PFKFB1: variants seen among roughly 807,000 people sequenced by gnomAD.
PFKFB1 encodes 6-phosphofructo-2-kinase/fructose-2,6-bisphosphatase 1.
Under a neutral mutation model 46.4 loss-of-function variants are expected in PFKFB1, and 34 were observed. That is an observed-to-expected ratio of 0.73 (90% confidence interval 0.56 to 0.98). The LOEUF is 0.98. Ranked by LOEUF, PFKFB1 falls within the 50% of genes least tolerant of loss-of-function variation. The pLI, the probability that PFKFB1 is intolerant of heterozygous loss-of-function variation, is 0.00. For missense variants in PFKFB1, 393 were observed against 376.3 expected, an observed-to-expected ratio of 1.04 and a Z score of -0.37; for synonymous variants, 119 against 133.8, an observed-to-expected ratio of 0.89 and a Z score of 0.76.
At position 54,945,469 on chromosome X, in the gene PFKFB1, A is replaced by G; in HGVS notation, c.1068T>C (p.Asp356=). The change falls in exon 10 of 14, where the codon GAT becomes GAC. Residue 356 remains aspartate, a synonymous_variant. Transcript: ENST00000375006. ...CCTTGGGATAGCGGTAGCGATATTTATCTTGGTCTCGCAGTGCAAATTCTT... is the reference window on the plus strand; with the variant it reads ...CCTTGGGATAGCGGTAGCGATATTTGTCTTGGTCTCGCAGTGCAAATTCTT... ...YPEEFALRDQ[D]KYRYRYPKGE... 2 of 1,202,183 alleles carry G rather than the reference A, an allele frequency of 1.7e-6. No homozygotes were observed. Among genetic ancestry groups the G allele is most frequent in the Non-Finnish European group, 2.3e-6 (2 of 887,791 alleles).
chrX:54,933,385 T>C lies in PFKFB1; in HGVS notation c.*18A>G, dbSNP rs368541166. ...GAAGGCGATGAGGACACAGGCAGTT[T>C]GACTTCTTGGAAAGGGCTCAGTAGT... On this transcript the variant is annotated 3_prime_UTR_variant, in exon 14 of 14. Coordinates refer to ENST00000375006, the MANE Select transcript of PFKFB1 (RefSeq NM_002625.4). 13 of 1,184,290 alleles carry C rather than the reference T, an allele frequency of 1.1e-5. 1 individual carries two copies. The African/African-American group carries it at 2.3e-4, about 21-fold the overall frequency.
intron 7 of PFKFB1, among the ~76,000 whole-genome samples, chrX:54,954,253 C>T (rs1293551324): frequency 2.7e-5 from 3 of 112,116 alleles, no homozygotes; most frequent in Admixed American, 1.9e-4. Flanking sequence ...GTGGCTCATG[C>T]CTGTAATCCC....
At chrX:54,944,040 T>C (rs1334259626) in intron 10 of PFKFB1, among the ~76,000 whole-genome samples, 1 of 111,397 alleles carries the variant, frequency 9.0e-6, no homozygotes, top group South Asian at 3.7e-4. Flanking sequence ...TTCTGTTGTT[T>C]AGGTAGAGGG....
At chrX:54,994,933 T>G, upstream of PFKFB1, 2 of 606,512 alleles carry the variant, frequency 3.3e-6, no homozygotes, top group South Asian at 8.6e-5. Context: ...CACCATCAGA[T>G]GCCCTAAGGA....
At chrX:54,984,251 T>C (rs1190195171) in intron 1 of PFKFB1, among the ~76,000 whole-genome samples, 1 of 111,756 alleles carries the variant, frequency 8.9e-6, no homozygotes, top group Non-Finnish European at 1.9e-5. Flanking sequence ...AAATAATTTT[T>C]AAAAAATCCC....
intron 10 of PFKFB1, among the ~76,000 whole-genome samples, chrX:54,942,249 G>C (rs1933665419): frequency 9.0e-6 from 1 of 110,603 alleles, no homozygotes; most frequent in Non-Finnish European, 1.9e-5. Flanking sequence ...GTTGTGGGGT[G>C]GAGGAATGGG....
At chrX:54,972,266 C>G (rs1205326556) in intron 1 of PFKFB1, among the ~76,000 whole-genome samples, 2 of 110,308 alleles carry the variant, frequency 1.8e-5, no homozygotes. Context: ...TCTAGATATA[C>G]AATCATGTCG....
At chrX:54,971,734 A>T (rs1351803768) in intron 1 of PFKFB1, among the ~76,000 whole-genome samples, 1 of 112,024 alleles carries the variant, frequency 8.9e-6, no homozygotes, top group Non-Finnish European at 1.9e-5. Context: ...TGTTTTGGTT[A>T]CTGTAGGCTT....
chrX:54,949,952 T>C (rs2005463), intron 8 of PFKFB1, among the ~76,000 whole-genome samples: 29,959 of 111,227 alleles, frequency 0.27, 3,625 homozygotes, highest in East Asian at 0.55. Flanking sequence ...CATTCACACA[T>C]GTATTGAGTG....
At chrX:54,935,329 C>T (rs1933351585) in intron 11 of PFKFB1, among the ~76,000 whole-genome samples, 1 of 111,580 alleles carries the variant, frequency 9.0e-6, no homozygotes, top group Non-Finnish European at 1.9e-5. Flanking sequence ...GCTTCTCTCC[C>T]GCCCCAAGCC....
intron 1 of PFKFB1, among the ~76,000 whole-genome samples, chrX:54,964,398 G>T (rs1934411730): frequency 2.7e-5 from 3 of 109,765 alleles, no homozygotes; most frequent in African/African-American, 1.0e-4. Context: ...TATCTCCAGG[G>T]TGTAGCACAA....
intron 1 of PFKFB1, among the ~76,000 whole-genome samples, chrX:54,983,577 A>G (rs1935047681): frequency 8.9e-6 from 1 of 112,194 alleles, no homozygotes; most frequent in Non-Finnish European, 1.9e-5. Flanking sequence ...ACTGATGGAC[A>G]TTTAGGTTGA....
At chrX:54,980,363 GCAAAGTAAAAAACA>G (rs1227588301) in intron 1 of PFKFB1, among the ~76,000 whole-genome samples, 1 of 104,983 alleles carries the variant, frequency 9.5e-6, no homozygotes, top group Non-Finnish European at 2.0e-5. Flanking sequence ...TTATTGAGTG[GCAAAGTAAAAAACA>G]ATGTTTCTTC....
chrX:54,943,517 C>A (rs377452225), intron 10 of PFKFB1, among the ~76,000 whole-genome samples: 155 of 111,763 alleles, frequency 1.4e-3, no homozygotes, highest in Middle Eastern at 9.2e-3. Context: ...TTTGGGAGGC[C>A]GAGGTGGGTG....
chrX:54,941,845 G>C (rs1478318283), intron 10 of PFKFB1, among the ~76,000 whole-genome samples: 1 of 111,909 alleles, frequency 8.9e-6, no homozygotes, highest in East Asian at 2.8e-4. Context: ...CGTCTCCTCA[G>C]GGATCTAGAA....
intron 7 of PFKFB1, among the ~76,000 whole-genome samples, chrX:54,954,446 G>C (rs1258735806): frequency 1.8e-5 from 2 of 112,375 alleles, no homozygotes; most frequent in South Asian, 3.7e-4. Flanking sequence ...CCAGGAGGCA[G>C]AGGTTGCAGT....
At chrX:54,940,010 G>A (rs911859158) in intron 10 of PFKFB1, among the ~76,000 whole-genome samples, 21 of 111,709 alleles carry the variant, frequency 1.9e-4, no homozygotes, top group Non-Finnish European at 2.8e-4. Context: ...CTGGCAAACC[G>A]AATCCAGCAA....
At position 54,951,979 on chromosome X, in the gene PFKFB1, G is replaced by A. The variant is rs1379500249; in HGVS notation, c.772C>T (p.Arg258Ter). 5 of 1,209,425 alleles carry A rather than the reference G, an allele frequency of 4.1e-6. No individual in the cohort carries two copies. Among genetic ancestry groups the A allele is most frequent in the Non-Finnish European group, 2.2e-6 (2 of 894,679 alleles). The change falls in exon 8 of 14, where the codon CGA becomes TGA. Residue 258 changes from arginine (R) to a stop codon, truncating the protein, a stop_gained. Coordinates refer to ENST00000375006, the MANE Select transcript of PFKFB1 (RefSeq NM_002625.4). LOFTEE classifies it high-confidence loss of function. ...HVTPRSIYLC[R>*]HGESELNIRG... ...ATGTTGAGTTCACTCTCGCCATGTCGGCAAAGGTAGATGGAGCGAGGTGTG... is the reference window on the plus strand; with the variant it reads ...ATGTTGAGTTCACTCTCGCCATGTCAGCAAAGGTAGATGGAGCGAGGTGTG...
Position 54,933,138 on chromosome X carries a change from C to T in PFKFB1, c.*265G>A. ...ACCTTGAGAACAACTGGAAAAGCCT[C>T]GCCATGACCTCCTCCTCTCCTCTTG... On this transcript the variant is annotated 3_prime_UTR_variant, in exon 14 of 14. Transcript: ENST00000375006. The T allele has an allele frequency of 2.7e-6, 1 of 372,642 alleles. No individual in the cohort carries two copies. The highest frequency in any genetic ancestry group is 4.7e-6 in the Non-Finnish European group (1 of 213,115). 30.7% of individuals were successfully genotyped at this position (372,642 alleles called of 1,213,427 possible).
Sources: gnomAD v4.1 joint callset for allele counts (sites outside exome capture counted in the v4.1 genomes callset) on GRCh38, gnomAD v4.1.1 for gene constraint, MANE v1.5 for transcripts, NCBI Gene and HGNC (gene_info 2026-07-23, HGNC 2026-07-21) for gene names.